Variants in DMD observed in about 807,000 individuals in gnomAD.
The protein encoded by DMD is mutant dystrophin.
In DMD, 63 loss-of-function variants were observed where a neutral mutation model predicts 330.1. The observed-to-expected ratio is 0.19, with a 90% confidence interval of 0.16 to 0.24. The LOEUF is 0.24. DMD is among the 10% of genes least tolerant of loss of function. The pLI is 1.00. For synonymous variants in DMD, 1,223 were observed against 959.8 expected (o/e 1.27, Z -5.07); for missense variants, 3,344 against 2,684.1 (o/e 1.25, Z -5.43).
chrX:31,527,190 T>C (rs1288279263), intron 55 of DMD, among the ~76,000 whole-genome samples: 32 of 111,657 alleles, frequency 2.9e-4, no homozygotes, highest in African/African-American at 1.0e-3. Flanking sequence ...AATATAAGAA[T>C]GCAAAGTAAA....
chrX:31,713,527 T>G (rs1429794010), intron 52 of DMD, among the ~76,000 whole-genome samples: 1 of 112,086 alleles, frequency 8.9e-6, no homozygotes, highest in Non-Finnish European at 1.9e-5. Context: ...TTACTCACTT[T>G]TATAAATCCC....
chrX:31,674,175 T>C (rs147748118), intron 53 of DMD, among the ~76,000 whole-genome samples: 5,644 of 111,935 alleles, frequency 0.05, 365 homozygotes, highest in African/African-American at 0.17. Context: ...TCCACTACCG[T>C]ACATATTTTT....
At position 33,325,709 on chromosome X, in the gene DMD, C is replaced by G. The variant is rs1330956296; in HGVS notation, c.7+13550G>C. Among the ~76,000 whole-genome samples the G allele has an allele frequency of 6.2e-5, 7 of 112,345 alleles. No homozygotes were observed. In the East Asian group the frequency reaches 1.1e-3, roughly 18 times the overall value. ...GGAAGTAGATATTTGCTTTTAATTT[C>G]AGGTATACTTTACAATAACCATGCT... On this transcript the variant is annotated intron_variant, in intron 1 of 17. Transcript: ENST00000288447.
intron 41 of DMD, among the ~76,000 whole-genome samples, chrX:32,334,153 T>C (rs775799223): frequency 9.0e-6 from 1 of 111,270 alleles, no homozygotes; most frequent in Non-Finnish European, 1.9e-5. Context: ...ATCAACAATC[T>C]AGAAAAACAT....
At chrX:32,176,656 A>G (rs915203408) in intron 44 of DMD, among the ~76,000 whole-genome samples, 1 of 111,372 alleles carries the variant, frequency 9.0e-6, no homozygotes, top group Non-Finnish European at 1.9e-5. Context: ...GTTAGGGATG[A>G]AGCACCAGGC....
intron 1 of DMD, among the ~76,000 whole-genome samples, chrX:33,133,755 A>AT (rs775727653): frequency 8.9e-6 from 1 of 111,799 alleles, no homozygotes; most frequent in African/African-American, 3.2e-5. Flanking sequence ...AGCTGGCAGC[A>AT]TTTTTTCCAG....
At chrX:31,774,277 C>A in intron 50 of DMD, 85 bp from the exon 51 acceptor site, 2 of 629,739 alleles carry the variant, frequency 3.2e-6, no homozygotes, top group East Asian at 3.5e-5. Flanking sequence ...ATTTCAATAA[C>A]AATAAGTCAA....
intron 27 of DMD, among the ~76,000 whole-genome samples, chrX:32,443,941 A>T (rs2098292859): frequency 1.8e-5 from 2 of 111,490 alleles, no homozygotes; most frequent in South Asian, 7.3e-4. Flanking sequence ...CAAAGGAAAC[A>T]TTTTTAATTC....
intron 1 of DMD, among the ~76,000 whole-genome samples, chrX:33,038,389 T>C (rs1478877483): frequency 8.9e-6 from 1 of 112,317 alleles, no homozygotes; most frequent in Non-Finnish European, 1.9e-5. Flanking sequence ...TGGAAGTGAT[T>C]ACTATTAATA....
At chrX:31,789,668 T>C (rs967059024) in intron 50 of DMD, among the ~76,000 whole-genome samples, 9 of 111,568 alleles carry the variant, frequency 8.1e-5, no homozygotes, top group Non-Finnish European at 7.6e-5. Flanking sequence ...CTAAGATATC[T>C]AGATAAGAAC....
intron 11 of DMD, among the ~76,000 whole-genome samples, chrX:32,635,938 T>C (rs1048291866): frequency 3.6e-5 from 4 of 111,698 alleles, no homozygotes; most frequent in African/African-American, 1.3e-4. Context: ...TGTGAAGCTG[T>C]AGAAACCCTA....
At chrX:32,736,017 T>A (rs1169557881) in intron 7 of DMD, among the ~76,000 whole-genome samples, 1 of 111,471 alleles carries the variant, frequency 9.0e-6, no homozygotes, top group Non-Finnish European at 1.9e-5. Flanking sequence ...AACCTACTCA[T>A]CTGACAAAGG....
intron 21 of DMD, among the ~76,000 whole-genome samples, chrX:32,472,853 T>A (rs1346838538): frequency 9.0e-6 from 1 of 111,272 alleles, no homozygotes; most frequent in African/African-American, 3.3e-5. Flanking sequence ...AATAACCCCA[T>A]AAATATTATC....
intron 16 of DMD, among the ~76,000 whole-genome samples, chrX:32,555,125 T>C (rs772342690): frequency 5.4e-5 from 6 of 110,696 alleles, no homozygotes; most frequent in Non-Finnish European, 9.5e-5. Context: ...GCTTCATCCC[T>C]AGCATGCAAG....
intron 4 of DMD, among the ~76,000 whole-genome samples, chrX:32,831,000 G>T (rs1185219500): frequency 9.0e-6 from 1 of 111,070 alleles, no homozygotes; most frequent in African/African-American, 3.3e-5. Flanking sequence ...CATAGGACAA[G>T]AACTTAAGGG....
chrX:32,486,692 C>A (rs758088230), intron 20 of DMD, among the ~76,000 whole-genome samples: 44 of 105,627 alleles, frequency 4.2e-4, no homozygotes, highest in African/African-American at 1.5e-3. Flanking sequence ...TCAGAAATAA[C>A]GCCGCATACC....
chrX:32,716,062 A>C (rs774256507), intron 7 of DMD, among the ~76,000 whole-genome samples: 1 of 111,632 alleles, frequency 9.0e-6, no homozygotes, highest in Admixed American at 9.6e-5. Flanking sequence ...ATTTCATGTA[A>C]CTTTCTCTCG....
chrX:32,483,339 TAAAAAAGAG>T (rs201089036), intron 21 of DMD, among the ~76,000 whole-genome samples: 233 of 105,248 alleles, frequency 2.2e-3, no homozygotes, highest in African/African-American at 7.3e-3. Context: ...GTATGAAATT[TAAAAAAGAG>T]AAGAAAGATG....
At chrX:33,031,178 C>T (rs1160737269) in intron 1 of DMD, among the ~76,000 whole-genome samples, 1 of 110,574 alleles carries the variant, frequency 9.0e-6, no homozygotes, top group Non-Finnish European at 1.9e-5. Context: ...TGTGTTAAGG[C>T]TTTCTTCAGT....
Sources: allele counts gnomAD v4.1 joint callset (sites outside exome capture counted in the v4.1 genomes callset), GRCh38; gene constraint gnomAD v4.1.1; transcripts MANE v1.5; gene names NCBI Gene and HGNC (gene_info 2026-07-23, HGNC 2026-07-21).